Variants in UGT2B7 observed in about 807,000 individuals in gnomAD.
UGT2B7 encodes UDP glucuronosyltransferase family 2 member B7.
A neutral mutation model predicts 51.9 loss-of-function variants in UGT2B7; 51 were observed. The observed-to-expected ratio is 0.98, with a 90% CI of 0.78 to 1.24. The LOEUF is 1.24. UGT2B7 is among the 50% of genes most tolerant of loss of function. The pLI, the probability that UGT2B7 is intolerant of heterozygous loss-of-function variation, is 0.00. For missense variants in UGT2B7, 727 were observed against 628.4 expected (o/e 1.16, Z -1.68); for synonymous variants, 225 against 211.6 (o/e 1.06, Z -0.55).
chr4:69,109,629 G>A (rs7686056), intron 5 of UGT2B7, among the ~76,000 whole-genome samples: 29,316 of 152,018 alleles, frequency 0.19, 2,972 homozygotes, highest in East Asian at 0.26. Flanking sequence ...TATGGGTCAT[G>A]TCAGATATAT....
rs115831717 is a variant in UGT2B7, at chr4:69,088,638, G to A, written c.-158-834G>A. 1.4e-3 allele frequency among the ~76,000 whole-genome samples: 215 copies of A among 152,208 alleles called. 1 individual carries two copies. Among genetic ancestry groups the A allele is most frequent in the African/African-American group, 5.0e-3 (207 of 41,542 alleles). ...GGCCTTCCTTTGGATTTTGGCCCCT[G>A]CAGTGTTATGGAACTGGTCAGACTC... On this transcript the variant is annotated intron_variant, in intron 1 of 5. Coordinates refer to the UGT2B7 transcript ENST00000502942.
chr4:69,107,169 T>C lies in UGT2B7; in HGVS notation c.1003-6T>C. On this transcript the variant is annotated splice_region_variant and splice_polypyrimidine_tract_variant and intron_variant, in intron 3 of 5. Transcript: ENST00000305231. The stretch of plus-strand genomic sequence containing the variant: ...ATGGAATAAAATATTTTCTTTATTG[T>C]AACAGGTTCTGTGGAGATTTGATGG... 6.2e-7 allele frequency: 1 copy of C among 1,606,160 alleles called. No individual in the cohort carries two copies. Among genetic ancestry groups the C allele is most frequent in the East Asian group, 2.2e-5 (1 of 44,696 alleles).
rs61154511 is a variant in UGT2B7 at position 69,096,734 on chromosome 4, C to T, written c.214C>T (p.Leu72Phe). 47 of 1,613,964 alleles carry T rather than the reference C, an allele frequency of 2.9e-5. No individual in the cohort carries two copies. The African/African-American group carries it at 6.0e-4, about 21-fold the overall frequency. Residue 72 changes from leucine to phenylalanine, a missense_variant, in exon 1 of 6, where the codon CTT becomes TTT. Leu to Phe is a conservative substitution (Grantham distance 22). Transcript: ENST00000305231. The stretch of plus-strand genomic sequence containing the variant: ...TTTTGATCCCAACAACTCATCCGCT[C>T]TTAAAATTGAAATTTATCCCACATC... ...ILFDPNNSSA[L>F]KIEIYPTSLT...
At chr4:69,098,751 AG>A in intron 2 of UGT2B7, 63 bp downstream of exon 2, 2 of 1,592,528 alleles carry the variant, frequency 1.3e-6, no homozygotes, top group Non-Finnish European at 8.5e-7. Context: ...ATGATTCTAT[AG>A]TCTTCTTTCA....
intron 1 of UGT2B7, among the ~76,000 whole-genome samples, chr4:69,056,298 C>T (rs1038950868): frequency 1.3e-5 from 2 of 152,134 alleles, no homozygotes; most frequent in African/African-American, 2.4e-5. Context: ...AATGCTCAAC[C>T]GAATCATACG....
intron 1 of UGT2B7, among the ~76,000 whole-genome samples, chr4:69,059,630 T>C (rs1414990568): frequency 8.2e-6 from 1 of 122,186 alleles, no homozygotes; most frequent in African/African-American, 3.4e-5. Context: ...GCACCAGTGG[T>C]GGTAGAGTTA....
chr4:69,076,238 A>C (rs1469051218), intron 1 of UGT2B7, among the ~76,000 whole-genome samples: 1 of 152,208 alleles, frequency 6.6e-6, no homozygotes, highest in Admixed American at 6.5e-5. Context: ...CACAATAAAC[A>C]TATATGTGCA....
intron 3 of UGT2B7, among the ~76,000 whole-genome samples, chr4:69,103,507 C>T (rs1719493447): frequency 6.6e-6 from 1 of 152,168 alleles, no homozygotes; most frequent in Non-Finnish European, 1.5e-5. Context: ...AACACTCATA[C>T]ATACTGCTGA....
Position 69,064,108 on chromosome 4 carries a change from A to AG in UGT2B7, c.-159+12506_-159+12507insG, listed in dbSNP as rs1560499796. ...AGAAAGAAAGAAAGAGAAAGAAAGAAAGAAAAAGAAAGAAAGAAAGAAAGA... is the reference window on the plus strand; with the variant it reads ...AGAAAGAAAGAAAGAGAAAGAAAGAAGAGAAAAAGAAAGAAAGAAAGAAAGA... On this transcript the variant is annotated intron_variant, in intron 1 of 5. Transcript: ENST00000502942. Among the ~76,000 whole-genome samples, 91 of 94,292 alleles carry AG rather than the reference A, an allele frequency of 9.7e-4. 1 individual carries two copies. Among genetic ancestry groups the AG allele is most frequent in the South Asian group, 1.1e-3 (3 of 2,800 alleles). The allele number at this position is 94,292 out of a possible 152,430, so 61.9% of individuals were successfully genotyped here. A position where few individuals can be genotyped will look rare whatever the true frequency, so the allele number is the denominator to read the frequency against.
rs190389560 is a variant in UGT2B7, at chr4:69,054,304, C to T, written c.-159+2702C>T. Among the ~76,000 whole-genome samples, 433 of 152,154 alleles carry T rather than the reference C, an allele frequency of 2.8e-3. 1 individual carries two copies. The highest frequency in any genetic ancestry group is 9.6e-3 in the African/African-American group (400 of 41,452). On this transcript the variant is annotated intron_variant, in intron 1 of 5. Coordinates refer to the UGT2B7 transcript ENST00000502942. ...TGGCCTATCTCTCAAAACAAAAAGA[C>T]AGGGTTTCCAAAGGCTGGCCCCCAT...
chr4:69,066,195 G>A (rs190150284), intron 1 of UGT2B7, among the ~76,000 whole-genome samples: 13 of 152,220 alleles, frequency 8.5e-5, no homozygotes, highest in African/African-American at 2.9e-4. Flanking sequence ...AAGTTCAGGC[G>A]TACATGTTCC....
chr4:69,109,075 T>C (rs1354298100), intron 5 of UGT2B7, among the ~76,000 whole-genome samples: 1 of 152,024 alleles, frequency 6.6e-6, no homozygotes, highest in Non-Finnish European at 1.5e-5. Context: ...ATTCATGTTG[T>C]TGTGTGTTTT....
At chr4:69,063,377 C>T (rs1718402204) in intron 1 of UGT2B7, among the ~76,000 whole-genome samples, 1 of 147,792 alleles carries the variant, frequency 6.8e-6, no homozygotes, top group Non-Finnish European at 1.5e-5. Flanking sequence ...ACCATACATA[C>T]TATAGGTACC....
intron 3 of UGT2B7, among the ~76,000 whole-genome samples, chr4:69,105,047 C>T (rs997750350): frequency 5.3e-5 from 8 of 152,112 alleles, no homozygotes; most frequent in African/African-American, 7.2e-5. Context: ...TGCTGGACTG[C>T]GCCCAGCCAA....
chr4:69,107,961 G>A (rs746543685), intron 4 of UGT2B7, 142 bp from the exon 5 acceptor site: 10 of 1,020,706 alleles, frequency 9.8e-6, no homozygotes, highest in South Asian at 1.6e-5. Context: ...GTACAAGTAC[G>A]TGTTTTTTCC....
intron 2 of UGT2B7, among the ~76,000 whole-genome samples, chr4:69,100,588 C>T (rs186739034): frequency 2.0e-5 from 3 of 151,906 alleles, no homozygotes; most frequent in Non-Finnish European, 4.4e-5. Context: ...TCTATGCCAC[C>T]CTACCCTACT....
intron 1 of UGT2B7, among the ~76,000 whole-genome samples, chr4:69,076,915 G>C (rs1224552136): frequency 6.6e-6 from 1 of 152,050 alleles, no homozygotes; most frequent in Non-Finnish European, 1.5e-5. Flanking sequence ...TATGATTTTA[G>C]GTCTTATGTG....
At chr4:69,099,581 G>A (rs561971452) in intron 2 of UGT2B7, among the ~76,000 whole-genome samples, 126 of 152,044 alleles carry the variant, frequency 8.3e-4, no homozygotes, top group African/African-American at 2.8e-3. Flanking sequence ...TGGAAAAGTC[G>A]ACTAGAAAGT....
chr4:69,081,002 T>A (rs1718825285), intron 1 of UGT2B7, among the ~76,000 whole-genome samples: 1 of 152,198 alleles, frequency 6.6e-6, no homozygotes, highest in South Asian at 2.1e-4. Flanking sequence ...AATTATTATC[T>A]AATTCATATC....
Sources: gnomAD v4.1 joint callset for allele counts (sites outside exome capture counted in the v4.1 genomes callset) on GRCh38, gnomAD v4.1.1 for gene constraint, MANE v1.5 for transcripts, NCBI Gene and HGNC (gene_info 2026-07-23, HGNC 2026-07-21) for gene names.